SPOCK3: variants seen among roughly 807,000 people sequenced by gnomAD.
SPOCK3 encodes testican-3.
Under a neutral mutation model 56.6 loss-of-function variants are expected in SPOCK3, and 30 were observed. That is an observed-to-expected ratio of 0.53 (90% confidence interval 0.40 to 0.72). The LOEUF (loss-of-function observed/expected upper bound fraction) is 0.72. Ranked by LOEUF, SPOCK3 falls within the 30% of genes least tolerant of loss-of-function variation. The probability of loss-of-function intolerance (pLI) is 0.00; values close to 1 mark genes in which losing one functional copy is unlikely to be tolerated. For synonymous variants in SPOCK3, 196 were observed against 183.3 expected, an observed-to-expected ratio of 1.07 and a Z score of -0.56; for missense variants, 527 against 530.0, an observed-to-expected ratio of 0.99 and a Z score of 0.06.
At chr4:167,019,058 G>T (rs529284548) in intron 3 of SPOCK3, among the ~76,000 whole-genome samples, 2 of 152,076 alleles carry the variant, frequency 1.3e-5, no homozygotes, top group South Asian at 2.1e-4. Context: ...AGAGGCAGTG[G>T]ATGCACCCGA....
chr4:167,087,911 AT>A (rs1217616215), intron 2 of SPOCK3, among the ~76,000 whole-genome samples: 2 of 151,958 alleles, frequency 1.3e-5, no homozygotes, highest in Admixed American at 6.6e-5. Flanking sequence ...GTAGGTATAG[AT>A]TTTTTTTAGC....
In SPOCK3 at chr4:166,734,903, G is replaced by C. The variant is rs762043073; in HGVS notation, c.*18C>G. On this transcript the variant is annotated 3_prime_UTR_variant, in exon 11 of 11. Transcript: ENST00000357545. Reference sequence around the variant, plus strand: ...AAATATTAGAAATGTAGAATTTATTGATTTCAACTGTCATCAATCAAATGT... The same window carrying C: ...AAATATTAGAAATGTAGAATTTATTCATTTCAACTGTCATCAATCAAATGT... 3.4e-6 allele frequency: 5 copies of C among 1,482,214 alleles called. No individual in the cohort carries two copies. Among genetic ancestry groups the C allele is most frequent in the Non-Finnish European group, 4.6e-6 (5 of 1,091,780 alleles). The allele number at this position is 1,482,214 out of a possible 1,614,324, so 91.8% of individuals were successfully genotyped here.
intron 2 of SPOCK3, among the ~76,000 whole-genome samples, chr4:167,207,150 T>C (rs1734425483): frequency 6.6e-6 from 1 of 152,118 alleles, no homozygotes; most frequent in South Asian, 2.1e-4. Context: ...AAGTTGTTTT[T>C]ATTTATTTGA....
intron 3 of SPOCK3, among the ~76,000 whole-genome samples, chr4:167,054,643 A>C (rs1754588656): frequency 6.6e-6 from 1 of 152,212 alleles, no homozygotes; most frequent in African/African-American, 2.4e-5. Flanking sequence ...ACCATCATCA[A>C]AATAGTTTTT....
intron 4 of SPOCK3, among the ~76,000 whole-genome samples, chr4:166,982,507 G>A (rs891577267): frequency 9.9e-5 from 15 of 152,126 alleles, no homozygotes; most frequent in East Asian, 5.8e-4. Context: ...AGCCAAGATC[G>A]CACCACTGCA....
At chr4:167,078,308 CTGTGTGTGTGTG>C (rs3082377) in intron 2 of SPOCK3, among the ~76,000 whole-genome samples, 7,259 of 104,974 alleles carry the variant, frequency 0.069, 396 homozygotes, top group African/African-American at 0.15. Flanking sequence ...GGTCATAACT[CTGTGTGTGTGTG>C]TGTGTGTGTG....
At chr4:167,080,609 G>A (rs922087380) in intron 2 of SPOCK3, among the ~76,000 whole-genome samples, 5 of 152,080 alleles carry the variant, frequency 3.3e-5, no homozygotes, top group African/African-American at 1.2e-4. Context: ...GCACCTTGAG[G>A]AATTAGGTTA....
intron 3 of SPOCK3, among the ~76,000 whole-genome samples, chr4:167,053,380 C>G (rs1754419110): frequency 6.6e-6 from 1 of 152,068 alleles, no homozygotes; most frequent in Non-Finnish European, 1.5e-5. Context: ...TCTTTGGGAA[C>G]TTTCATTGAA....
chr4:167,020,553 C>T (rs2150160503), intron 3 of SPOCK3, among the ~76,000 whole-genome samples: 1 of 152,132 alleles, frequency 6.6e-6, no homozygotes, highest in African/African-American at 2.4e-5. Context: ...CACTCTTCTG[C>T]CATGTGAGAA....
rs542571222 is a variant in SPOCK3, at chr4:166,819,982, C to A, written c.590-27693G>T. ...AGTGACCTTCCTGCCTCACCCACCC[C>A]CAAATGCTGAGATTACAGGCATTAG... On this transcript the variant is annotated intron_variant, in intron 6 of 10. Transcript: ENST00000357545. Among the ~76,000 whole-genome samples the A allele has an allele frequency of 9.2e-5, 14 of 152,092 alleles. No individual in the cohort carries two copies. In the South Asian group the frequency reaches 2.5e-3, roughly 27 times the overall value.
intron 2 of SPOCK3, among the ~76,000 whole-genome samples, chr4:167,229,187 G>T (rs947006098): frequency 1.3e-5 from 2 of 152,078 alleles, no homozygotes; most frequent in South Asian, 4.1e-4. Context: ...GAGAACAGTA[G>T]TTCACTTTAT....
intron 2 of SPOCK3, among the ~76,000 whole-genome samples, chr4:167,171,305 T>G (rs918154619): frequency 6.6e-6 from 1 of 152,146 alleles, no homozygotes; most frequent in African/African-American, 2.4e-5. Flanking sequence ...TTTGGTCACA[T>G]CCAATAAAAG....
At chr4:166,953,800 T>C (rs537912340) in intron 4 of SPOCK3, among the ~76,000 whole-genome samples, 1 of 151,240 alleles carries the variant, frequency 6.6e-6, no homozygotes, top group Non-Finnish European at 1.5e-5. Context: ...ATGGATGAAA[T>C]TGGAAATCAT....
chr4:166,975,588 T>G (rs959986417), intron 4 of SPOCK3, among the ~76,000 whole-genome samples: 1 of 152,180 alleles, frequency 6.6e-6, no homozygotes, highest in Non-Finnish European at 1.5e-5. Flanking sequence ...ATCAAATATT[T>G]AGATTTTATA....
upstream of SPOCK3, chr4:167,234,759 G>T (rs1737554839): frequency 1.9e-5 from 3 of 157,946 alleles, no homozygotes; most frequent in South Asian, 5.8e-4. Flanking sequence ...GCCAGAGGAC[G>T]AGGTAGCTCC....
At chr4:166,779,921 T>G (rs1739974069) in intron 7 of SPOCK3, among the ~76,000 whole-genome samples, 1 of 152,128 alleles carries the variant, frequency 6.6e-6, no homozygotes, top group South Asian at 2.1e-4. Context: ...TCAGAAATTT[T>G]AGAGACCAAA....
intron 2 of SPOCK3, among the ~76,000 whole-genome samples, chr4:167,161,343 C>T (rs1189637447): frequency 6.6e-6 from 1 of 152,124 alleles, no homozygotes; most frequent in Non-Finnish European, 1.5e-5. Context: ...CAATGAGATA[C>T]CATCTCACAC....
intron 2 of SPOCK3, among the ~76,000 whole-genome samples, chr4:167,105,731 T>C (rs927624183): frequency 6.6e-6 from 1 of 151,916 alleles, no homozygotes; most frequent in African/African-American, 2.4e-5. Flanking sequence ...CCCAATGATC[T>C]GTTGCCTACA....
intron 6 of SPOCK3, among the ~76,000 whole-genome samples, chr4:166,876,741 T>C (rs1258248415): frequency 1.3e-5 from 2 of 152,180 alleles, no homozygotes; most frequent in Non-Finnish European, 2.9e-5. Flanking sequence ...CATGGAAGAC[T>C]TGTTTTAGTT....
Sources: gnomAD v4.1 joint callset for allele counts (sites outside exome capture counted in the v4.1 genomes callset) on GRCh38, gnomAD v4.1.1 for gene constraint, MANE v1.5 for transcripts, NCBI Gene and HGNC (gene_info 2026-07-23, HGNC 2026-07-21) for gene names.